PGCKA1: variants seen among roughly 807,000 people sequenced by gnomAD.
The protein encoded by PGCKA1 is PDCD10 and GCKIII kinases-associated protein 1.
the PGCKA1 span, among the ~76,000 whole-genome samples, chr4:37,546,209 CTCATATTGTT>C: frequency 6.6e-6 from 1 of 152,166 alleles, no homozygotes; most frequent in Non-Finnish European, 1.5e-5. Context: ...GAAAGACCCT[CTCATATTGTT>C]TTATATTGTT....
At chr4:37,539,142 C>A in the PGCKA1 span, among the ~76,000 whole-genome samples, 1 of 152,102 alleles carries the variant, frequency 6.6e-6, no homozygotes, top group Admixed American at 6.6e-5. Flanking sequence ...CCCAGCCGAC[C>A]CTGTGAAAAA....
the PGCKA1 span, among the ~76,000 whole-genome samples, chr4:37,581,775 G>C: frequency 0.12 from 17,581 of 152,102 alleles, 2,755 homozygotes; most frequent in African/African-American, 0.35. The surrounding 1 kb of genome is among the most constrained non-coding windows in gnomAD (Gnocchi z 4.4). Flanking sequence ...TGCCCCCCCA[G>C]GTCCACTGGC....
chr4:37,554,478 G>A, the PGCKA1 span, among the ~76,000 whole-genome samples: 2 of 152,140 alleles, frequency 1.3e-5, no homozygotes, highest in Admixed American at 1.3e-4. Context: ...CTCCTGAGTA[G>A]CTGGGACTAC....
the PGCKA1 span, among the ~76,000 whole-genome samples, chr4:37,582,116 C>T: frequency 2.8e-4 from 43 of 152,302 alleles, 1 homozygote; most frequent in Admixed American, 5.2e-4. Context: ...GCTCTCTCCA[C>T]GACATGCAGC....
At chr4:37,455,900 T>C in the PGCKA1 span, among the ~76,000 whole-genome samples, 1 of 152,214 alleles carries the variant, frequency 6.6e-6, no homozygotes, top group African/African-American at 2.4e-5. Context: ...TTCCAAATAA[T>C]TGAATACCAG....
chr4:37,519,674 G>A, the PGCKA1 span, among the ~76,000 whole-genome samples: 1 of 152,080 alleles, frequency 6.6e-6, no homozygotes, highest in Non-Finnish European at 1.5e-5. Context: ...GGAGTCCTTA[G>A]GTTTTTCTAA....
At chr4:37,541,830 G>T in the PGCKA1 span, among the ~76,000 whole-genome samples, 1 of 152,104 alleles carries the variant, frequency 6.6e-6, no homozygotes. Context: ...GGCCGAAAAA[G>T]ACATCTAGAG....
the PGCKA1 span, among the ~76,000 whole-genome samples, chr4:37,468,212 C>T: frequency 6.6e-6 from 1 of 152,326 alleles, no homozygotes; most frequent in East Asian, 1.9e-4. Context: ...GTCCTTTTCA[C>T]ACAGTGTGTC....
the PGCKA1 span, among the ~76,000 whole-genome samples, chr4:37,509,284 A>ACCTCCCTCCCGGACG: frequency 9.8e-5 from 6 of 61,222 alleles, 1 homozygote; most frequent in African/African-American, 3.2e-4. Flanking sequence ...CCTCCCAGAC[A>ACCTCCCTCCCGGACG]GGGCGGCTGC....
At chr4:37,486,014 C>T in the PGCKA1 span, among the ~76,000 whole-genome samples, 1 of 152,170 alleles carries the variant, frequency 6.6e-6, no homozygotes, top group Non-Finnish European at 1.5e-5. Flanking sequence ...ATTCATAGCA[C>T]AGAATAAGTT....
the PGCKA1 span, among the ~76,000 whole-genome samples, chr4:37,556,906 T>C: frequency 5.9e-5 from 9 of 152,244 alleles, no homozygotes; most frequent in Non-Finnish European, 4.4e-5. Flanking sequence ...GTTTGAGCAG[T>C]GTATCAGAGC....
chr4:37,588,769 G>T, the PGCKA1 span: 1 of 1,058,660 alleles, frequency 9.4e-7, no homozygotes, highest in South Asian at 1.3e-5. Flanking sequence ...GAGTCTCTAG[G>T]GAAAAAAAAA....
the PGCKA1 span, among the ~76,000 whole-genome samples, chr4:37,570,213 T>A: frequency 2.1e-5 from 3 of 140,000 alleles, no homozygotes; most frequent in African/African-American, 8.1e-5. Context: ...TTAGCCAGGA[T>A]GGTCTCGATC....
the PGCKA1 span, among the ~76,000 whole-genome samples, chr4:37,509,851 C>T: frequency 4.9e-4 from 75 of 151,702 alleles, no homozygotes; most frequent in African/African-American, 1.6e-3. Flanking sequence ...CAATCCCAGG[C>T]ACTCTGCAGG....
the PGCKA1 span, among the ~76,000 whole-genome samples, chr4:37,583,990 C>T: frequency 1.9e-4 from 29 of 152,138 alleles, no homozygotes; most frequent in Non-Finnish European, 1.9e-4. Context: ...CCCAATCTTA[C>T]GTCAAAAGAG....
the PGCKA1 span, among the ~76,000 whole-genome samples, chr4:37,559,393 A>G: frequency 7.1e-6 from 1 of 140,552 alleles, no homozygotes; most frequent in Admixed American, 7.2e-5. Flanking sequence ...GAATTGAACA[A>G]TGAGAACACA....
the PGCKA1 span, among the ~76,000 whole-genome samples, chr4:37,539,917 G>A: frequency 3.9e-5 from 6 of 152,206 alleles, no homozygotes; most frequent in African/African-American, 7.2e-5. Context: ...GCAACAGCAC[G>A]CATTTATCAT....
chr4:37,487,974 C>T, the PGCKA1 span, among the ~76,000 whole-genome samples: 2 of 152,026 alleles, frequency 1.3e-5, no homozygotes, highest in Admixed American at 6.6e-5. Context: ...TGGATTATTT[C>T]AGTTTGGGGC....
the PGCKA1 span, among the ~76,000 whole-genome samples, chr4:37,494,361 A>T: frequency 6.6e-6 from 1 of 152,156 alleles, no homozygotes; most frequent in African/African-American, 2.4e-5. Flanking sequence ...GCTCCCACTT[A>T]TAAGTGATAA....
Sources: gnomAD v4.1 joint callset for allele counts (sites outside exome capture counted in the v4.1 genomes callset) on GRCh38, gnomAD v4.1.1 for gene constraint, Gnocchi (gnomAD v3.1) non-coding constraint, MANE v1.5 for transcripts, NCBI Gene and HGNC (gene_info 2026-07-23, HGNC 2026-07-21) for gene names.